Variants in TRPC1 observed in about 807,000 individuals in gnomAD.
TRPC1 encodes short transient receptor potential channel 1.
A neutral mutation model predicts 88.2 loss-of-function variants in TRPC1; 42 were observed. The observed-to-expected ratio is 0.48, with a 90% CI of 0.37 to 0.62. The LOEUF is 0.62. Among genes scored for constraint, TRPC1 ranks in the 20% least tolerant of loss-of-function variants. TRPC1 has a pLI of 0.00. For missense variants in TRPC1, 699 were observed against 957.3 expected (o/e 0.73, Z 3.56); for synonymous variants, 288 against 331.8 (o/e 0.87, Z 1.43).
intron 8 of TRPC1, among the ~76,000 whole-genome samples, chr3:142,791,894 C>T (rs141426515): frequency 1.3e-5 from 2 of 151,954 alleles, no homozygotes; most frequent in Admixed American, 1.3e-4. Context: ...TTAAGCTCCC[C>T]CAAGCCCAGA....
rs538062616 is a variant in TRPC1, at chr3:142,776,642, C to T, written c.633-990C>T. Reference sequence around the variant, plus strand: ...TTTATGGTCTGGGCGCGGTGGCTCACGCCTGTAATCCCAGCACTTTGGGAG... The same window carrying T: ...TTTATGGTCTGGGCGCGGTGGCTCATGCCTGTAATCCCAGCACTTTGGGAG... On this transcript the variant is annotated intron_variant, in intron 4 of 12. Coordinates refer to ENST00000476941, the MANE Select transcript of TRPC1 (RefSeq NM_001251845.2). The surrounding 1 kb of genome is among the most constrained non-coding windows in gnomAD (Gnocchi z 4.1). 4.7e-4 allele frequency among the ~76,000 whole-genome samples: 71 copies of T among 152,244 alleles called. No homozygotes were observed. The highest frequency in any genetic ancestry group is 1.6e-3 in the African/African-American group (65 of 41,562).
chr3:142,744,293 G>A (rs1577953910), intron 3 of TRPC1, among the ~76,000 whole-genome samples: 1 of 152,188 alleles, frequency 6.6e-6, no homozygotes, highest in East Asian at 1.9e-4. Flanking sequence ...GAGTATTACA[G>A]TCTCATGCTA....
intron 4 of TRPC1, among the ~76,000 whole-genome samples, chr3:142,754,581 G>A (rs888935582): frequency 6.6e-6 from 1 of 152,138 alleles, no homozygotes; most frequent in African/African-American, 2.4e-5. Flanking sequence ...GAAGAGCTTT[G>A]TTTAACTTGC....
At chr3:142,732,882 A>C (rs2108014039) in intron 1 of TRPC1, among the ~76,000 whole-genome samples, 1 of 152,216 alleles carries the variant, frequency 6.6e-6, no homozygotes, top group South Asian at 2.1e-4. Flanking sequence ...TCCTTGTTCT[A>C]TAACTAGCTA....
intron 9 of TRPC1, among the ~76,000 whole-genome samples, chr3:142,794,238 T>C (rs1936383810): frequency 6.6e-6 from 1 of 152,072 alleles, no homozygotes; most frequent in African/African-American, 2.4e-5. Flanking sequence ...GAGTCTACAG[T>C]GTTTTTACAT....
chr3:142,756,361 CTTT>C (rs749438384), intron 4 of TRPC1, among the ~76,000 whole-genome samples: 6 of 136,552 alleles, frequency 4.4e-5, no homozygotes, highest in Non-Finnish European at 3.2e-5. Flanking sequence ...TATGATGGTT[CTTT>C]TTTTTTTTTT....
At chr3:142,786,469 G>T (rs1936136688) in intron 7 of TRPC1, among the ~76,000 whole-genome samples, 1 of 151,920 alleles carries the variant, frequency 6.6e-6, no homozygotes. Flanking sequence ...TTTAAAATTA[G>T]GTAGATAAAA....
At position 142,724,853 on chromosome 3, in the gene TRPC1, C is replaced by T. The variant is rs1933605457; in HGVS notation, c.172+122C>T. 8.5e-7 allele frequency: 1 copy of T among 1,176,590 alleles called. No homozygotes were observed. Among genetic ancestry groups the T allele is most frequent in the Non-Finnish European group, 1.1e-6 (1 of 883,848 alleles). The allele number at this position is 1,176,590 out of a possible 1,614,324, so 72.9% of individuals were successfully genotyped here. A position where few individuals can be genotyped will look rare whatever the true frequency, so the allele number is the denominator to read the frequency against. ...TCAGGCGCCGAGTGTCTTCCCGCCT[C>T]GCCTGCTGCCTCAGGCGGTCTTCTC... is the stretch of plus-strand genomic sequence containing the variant. On this transcript the variant is annotated intron_variant, in intron 1 of 12. Transcript: ENST00000476941. The surrounding 1 kb of genome is among the most constrained non-coding windows in gnomAD (Gnocchi z 5.6).
intron 9 of TRPC1, among the ~76,000 whole-genome samples, chr3:142,799,493 A>G (rs1321904832): frequency 6.6e-6 from 1 of 152,054 alleles, no homozygotes; most frequent in African/African-American, 2.4e-5. Flanking sequence ...TTCTTGTATT[A>G]AGAACCAATA....
At chr3:142,782,491 A>T (rs962231174) in intron 6 of TRPC1, among the ~76,000 whole-genome samples, 1 of 152,226 alleles carries the variant, frequency 6.6e-6, no homozygotes, top group African/African-American at 2.4e-5. Context: ...AACACTTCAT[A>T]GTTATTTTAT....
chr3:142,738,437 G>T (rs1455809188), intron 2 of TRPC1, among the ~76,000 whole-genome samples: 1 of 152,158 alleles, frequency 6.6e-6, no homozygotes, highest in Non-Finnish European at 1.5e-5. Flanking sequence ...TAATACAAAG[G>T]TATATTTGGT....
chr3:142,763,977 T>C (rs1214777840), intron 4 of TRPC1, among the ~76,000 whole-genome samples: 2 of 73,142 alleles, frequency 2.7e-5, no homozygotes, highest in African/African-American at 1.7e-4. Context: ...TATATATATA[T>C]ATATATACAC....
chr3:142,802,382 C>CT (rs3836385), intron 10 of TRPC1, 38 bp downstream of exon 10: 365,816 of 1,082,698 alleles, frequency 0.34, 15,989 homozygotes, highest in Non-Finnish European at 0.35. Context: ...ATATATTTGT[C>CT]TTTTTTTTTT....
chr3:142,804,279 A>G (rs962396540), intron 11 of TRPC1, 101 bp downstream of exon 11: 2 of 1,210,852 alleles, frequency 1.7e-6, no homozygotes, highest in Non-Finnish European at 2.3e-6. Context: ...AGAATTGAAA[A>G]ATAGTATTTT....
chr3:142,771,147 A>G (rs2108095610), intron 4 of TRPC1, among the ~76,000 whole-genome samples: 1 of 152,310 alleles, frequency 6.6e-6, no homozygotes, highest in Middle Eastern at 3.4e-3. Flanking sequence ...TGACCCAAAC[A>G]TCTCCAACAA....
chr3:142,785,777 G>A (rs1936115590), intron 7 of TRPC1, among the ~76,000 whole-genome samples: 1 of 152,176 alleles, frequency 6.6e-6, no homozygotes, highest in Admixed American at 6.5e-5. Context: ...GGGATTATAG[G>A]CCTGAGCCAC....
chr3:142,794,826 A>G (rs1367374964), intron 9 of TRPC1, among the ~76,000 whole-genome samples: 3 of 152,254 alleles, frequency 2.0e-5, no homozygotes, highest in East Asian at 3.9e-4. Flanking sequence ...TCTAGTTTCA[A>G]CGAACAAATA....
At chr3:142,751,261 A>C (rs1171319506) in intron 4 of TRPC1, among the ~76,000 whole-genome samples, 2 of 152,206 alleles carry the variant, frequency 1.3e-5, no homozygotes, top group East Asian at 3.8e-4. Flanking sequence ...CCAATTCTGC[A>C]AGCCACTGAT....
chr3:142,783,385 A>T (rs1936023498), intron 6 of TRPC1, among the ~76,000 whole-genome samples: 1 of 152,222 alleles, frequency 6.6e-6, no homozygotes, highest in Admixed American at 6.5e-5. Flanking sequence ...CAGAAGAGTA[A>T]AGAATGAAGT....
Sources: allele counts gnomAD v4.1 joint callset (sites outside exome capture counted in the v4.1 genomes callset), GRCh38; gene constraint gnomAD v4.1.1; non-coding constraint Gnocchi (gnomAD v3.1); transcripts MANE v1.5; gene names NCBI Gene and HGNC (gene_info 2026-07-23, HGNC 2026-07-21).